COL4A2: variants seen among roughly 807,000 people sequenced by gnomAD.
The protein encoded by COL4A2 is collagen alpha-2(IV) chain.
A neutral mutation model predicts 200.2 loss-of-function variants in COL4A2; 99 were observed. That is an observed-to-expected ratio of 0.49 (90% confidence interval 0.42 to 0.58). The LOEUF is 0.58. COL4A2 is among the 20% of genes least tolerant of loss of function. COL4A2 has a pLI of 0.00. For missense variants in COL4A2, 1,950 were observed against 2,314.1 expected, an observed-to-expected ratio of 0.84 and a Z score of 3.23; for synonymous variants, 897 against 900.6, an observed-to-expected ratio of 1.00 and a Z score of 0.07.
chr13:110,348,162 C>T (rs763531951), intron 3 of COL4A2, among the ~76,000 whole-genome samples: 26 of 152,370 alleles, frequency 1.7e-4, no homozygotes, highest in African/African-American at 5.5e-4. Context: ...CAGGCATCGA[C>T]GCAGTCATAA....
At position 110,512,287 on chromosome 13, in the gene COL4A2, A is replaced by T. The variant is rs1172947093; in HGVS notation, c.*96A>T. 5 of 1,456,388 alleles carry T rather than the reference A, an allele frequency of 3.4e-6. No individual in the cohort carries two copies. In the African/African-American group the frequency reaches 5.7e-5, roughly 17 times the overall value. The allele number at this position is 1,456,388 out of a possible 1,614,324, so 90.2% of individuals were successfully genotyped here. ...ATTGGTTTTATTTTTTTCTTAAAAA[A>T]AAAAAAGTCTACCAAAGGAATTTGC... is the stretch of plus-strand genomic sequence containing the variant. On this transcript the variant is annotated 3_prime_UTR_variant, in exon 48 of 48. Transcript: ENST00000360467.
chr13:110,392,257 C>G (rs1879015434), intron 4 of COL4A2, among the ~76,000 whole-genome samples: 2 of 152,292 alleles, frequency 1.3e-5, no homozygotes, highest in African/African-American at 4.8e-5. Flanking sequence ...TATGAAGAGT[C>G]TAAAGAACTG....
At chr13:110,363,249 G>T (rs750823483) in intron 4 of COL4A2, among the ~76,000 whole-genome samples, 15 of 152,224 alleles carry the variant, frequency 9.9e-5, no homozygotes, top group Non-Finnish European at 1.0e-4. Flanking sequence ...AGAGCCTGGA[G>T]ACTATGCTTC....
intron 38 of COL4A2, among the ~76,000 whole-genome samples, chr13:110,492,866 G>T (rs887186204): frequency 1.3e-5 from 2 of 152,176 alleles, no homozygotes; most frequent in African/African-American, 4.8e-5. Flanking sequence ...TTTACATGTC[G>T]TGTAAGTTGA....
Position 110,344,513 on chromosome 13 carries a change from G to A in COL4A2, c.100-12959G>A, listed in dbSNP as rs369344252. Among the ~76,000 whole-genome samples, 4 of 152,342 alleles carry A rather than the reference G, an allele frequency of 2.6e-5. No individual in the cohort carries two copies. In the East Asian group the frequency reaches 7.7e-4, roughly 29 times the overall value. On this transcript the variant is annotated intron_variant, in intron 3 of 47. Coordinates refer to ENST00000360467, the MANE Select transcript of COL4A2 (RefSeq NM_001846.4). ...AAGAGAATGATGTCAGTATGAGATGGAAGTCATGTTAGTTCATGCGTGACA... is the reference window on the plus strand; with the variant it reads ...AAGAGAATGATGTCAGTATGAGATGAAAGTCATGTTAGTTCATGCGTGACA...
At chr13:110,338,434 TG>T (rs11335478) in intron 3 of COL4A2, among the ~76,000 whole-genome samples, 71,864 of 127,332 alleles carry the variant, frequency 0.56, 18,506 homozygotes, top group South Asian at 0.74. Flanking sequence ...ATGTTGTGTG[TG>T]GGGGGGGGTG....
chr13:110,480,516 G>C (rs1043516701), intron 31 of COL4A2, 126 bp downstream of exon 31: 1 of 1,001,540 alleles, frequency 1.0e-6, no homozygotes, highest in African/African-American at 1.6e-5. Context: ...CTGCAGATTG[G>C]AGGCCTTGGG....
At chr13:110,478,484 T>TGCAG (rs1165846060) in intron 30 of COL4A2, among the ~76,000 whole-genome samples, 3 of 152,168 alleles carry the variant, frequency 2.0e-5, no homozygotes, top group African/African-American at 7.2e-5. Context: ...TTTATGAAAG[T>TGCAG]GCAGGGTGTG....
At chr13:110,502,958 G>A in intron 41 of COL4A2, 163 bp from the exon 42 acceptor site, 2 of 673,834 alleles carry the variant, frequency 3.0e-6, no homozygotes. Context: ...TAACTTTTAT[G>A]TTCTACGTAT....
intron 17 of COL4A2, among the ~76,000 whole-genome samples, 182 bp from the exon 18 acceptor site, chr13:110,446,616 C>G (rs889079722): frequency 6.6e-6 from 1 of 152,202 alleles, no homozygotes; most frequent in Non-Finnish European, 1.5e-5. Flanking sequence ...GGCTGGGATG[C>G]CAGGCTCTGC....
intron 4 of COL4A2, among the ~76,000 whole-genome samples, chr13:110,409,541 CGTGGATGAAAACT>C (rs1566517844): frequency 6.6e-6 from 1 of 152,246 alleles, no homozygotes; most frequent in Non-Finnish European, 1.5e-5. Context: ...CCTTCTATTT[CGTGGATGAAAACT>C]GCTATTGATT....
At chr13:110,366,370 T>C (rs1877751431) in intron 4 of COL4A2, among the ~76,000 whole-genome samples, 1 of 152,164 alleles carries the variant, frequency 6.6e-6, no homozygotes. Flanking sequence ...GTCTTCCCAG[T>C]TGGGTTTATC....
chr13:110,320,372 A>C (rs1032349596), intron 3 of COL4A2, among the ~76,000 whole-genome samples: 1 of 152,198 alleles, frequency 6.6e-6, no homozygotes, highest in South Asian at 2.1e-4. Context: ...CTGCTCTCCA[A>C]CAAGAGTGAT....
chr13:110,499,362 G>A (rs908622373), intron 40 of COL4A2, among the ~76,000 whole-genome samples: 1 of 152,242 alleles, frequency 6.6e-6, no homozygotes, highest in East Asian at 1.9e-4. Context: ...CGGCAGGAGA[G>A]AGAAGTGCTG....
chr13:110,419,485 T>C (rs1378552389), intron 4 of COL4A2, among the ~76,000 whole-genome samples: 1 of 152,234 alleles, frequency 6.6e-6, no homozygotes, highest in East Asian at 1.9e-4. Context: ...GCGTCATCCA[T>C]CTGTCCACCT....
chr13:110,420,377 C>T (rs1880201184), intron 4 of COL4A2, among the ~76,000 whole-genome samples: 1 of 152,176 alleles, frequency 6.6e-6, no homozygotes, highest in South Asian at 2.1e-4. Context: ...TATCCTGTTT[C>T]TTAGGAAATA....
At chr13:110,361,518 A>C (rs1594169636) in intron 4 of COL4A2, among the ~76,000 whole-genome samples, 1 of 152,170 alleles carries the variant, frequency 6.6e-6, no homozygotes, top group Admixed American at 6.5e-5. Flanking sequence ...ATGGTACCCC[A>C]GTTCATCTGT....
chr13:110,454,757 G>A (rs1881659388), intron 20 of COL4A2, among the ~76,000 whole-genome samples: 1 of 152,100 alleles, frequency 6.6e-6, no homozygotes, highest in Non-Finnish European at 1.5e-5. Context: ...CATGCAGTGT[G>A]TGCTGGTCAC....
intron 3 of COL4A2, among the ~76,000 whole-genome samples, chr13:110,338,308 C>T (rs1397673501): frequency 6.6e-6 from 1 of 150,818 alleles, no homozygotes; most frequent in Non-Finnish European, 1.5e-5. Context: ...CAAAAAAGAG[C>T]AAAAATGCAA....
Sources: gnomAD v4.1 joint callset for allele counts (sites outside exome capture counted in the v4.1 genomes callset) on GRCh38, gnomAD v4.1.1 for gene constraint, MANE v1.5 for transcripts, NCBI Gene and HGNC (gene_info 2026-07-23, HGNC 2026-07-21) for gene names.